FZR1: variants seen among roughly 807,000 people sequenced by gnomAD.
FZR1 encodes fizzy-related protein homolog.
In FZR1, 11 loss-of-function variants were observed where a neutral mutation model predicts 63.6. The ratio of observed to expected loss-of-function variants is 0.17; its 90% CI spans 0.11 to 0.29. The LOEUF is 0.29. FZR1 is among the 10% of genes least tolerant of loss of function. The pLI, the probability that FZR1 is intolerant of heterozygous loss-of-function variation, is 1.00. For synonymous variants in FZR1, 328 were observed against 297.9 expected, an observed-to-expected ratio of 1.10 and a Z score of -1.04; for missense variants, 440 against 687.5, an observed-to-expected ratio of 0.64 and a Z score of 4.03.
intron 1 of FZR1, among the ~76,000 whole-genome samples, chr19:3,509,889 G>T (rs889962694): frequency 1.3e-5 from 2 of 152,126 alleles, no homozygotes; most frequent in African/African-American, 4.8e-5. Flanking sequence ...TCTGCCTGTT[G>T]TGAGTTGAGC....
At chr19:3,506,641 C>T (rs537609367) in intron 1 of FZR1, among the ~76,000 whole-genome samples, 167 bp downstream of exon 1, 1 of 151,716 alleles carries the variant, frequency 6.6e-6, no homozygotes, top group Non-Finnish European at 1.5e-5. Context: ...CCGAACTAGG[C>T]CCGGGTGACC....
chr19:3,527,141 G>T (rs942014697), intron 6 of FZR1, 79 bp downstream of exon 6: 2 of 1,160,302 alleles, frequency 1.7e-6, no homozygotes, highest in Admixed American at 1.7e-5. Flanking sequence ...AGCTTCCTCC[G>T]CAGCCCTGTC....
At chr19:3,534,212 AC>A (rs1156543571) in intron 12 of FZR1, 3 of 480,768 alleles carry the variant, frequency 6.2e-6, no homozygotes, top group Admixed American at 4.1e-5. Context: ...ACAGAGCCAG[AC>A]CCCGTCTTAA....
chr19:3,507,568 TG>T (rs778500578), intron 1 of FZR1, among the ~76,000 whole-genome samples: 14 of 152,124 alleles, frequency 9.2e-5, no homozygotes, highest in Non-Finnish European at 2.1e-4. Flanking sequence ...GATGACCTCA[TG>T]CCTCTCCGTG....
In FZR1 at chr19:3,523,057, G is replaced by A. The variant is rs759089831; in HGVS notation, c.68G>A (p.Arg23His). 13 of 1,592,420 alleles carry A rather than the reference G, an allele frequency of 8.2e-6. No individual in the cohort carries two copies. The highest frequency in any genetic ancestry group is 3.3e-5 in the Admixed American group (2 of 60,000). ...IVIQNENTMP[R>H]VTEMRRTLTP... Reference sequence around the variant, plus strand: ...ATCCAGAATGAGAACACGATGCCACGCGTGAGTGCCCCCGCCCTGCCCACC... The same window carrying A: ...ATCCAGAATGAGAACACGATGCCACACGTGAGTGCCCCCGCCCTGCCCACC... Residue 23 changes from arginine (R) to histidine (H), a missense_variant and splice_region_variant, in exon 2 of 14, where the codon CGC (arginine) becomes CAC (histidine). Arg to His is a conservative substitution (Grantham distance 29). Around this residue, in one of 5 missense-constraint regions of FZR1, gnomAD observed 200 missense variants for 245.1 expected, o/e 0.82. Transcript: ENST00000441788.
In FZR1 at chr19:3,536,994, T is replaced by C. The variant is rs2029998270; in HGVS notation, c.*2158T>C. On this transcript the variant is annotated 3_prime_UTR_variant, in exon 14 of 14. Coordinates refer to ENST00000441788, the MANE Select transcript of FZR1 (RefSeq NM_016263.4). Reference sequence around the variant, plus strand: ...CTGGACTCCAGGCAAGTCCCTGCGCTCCAGCTGGACGGCCCTGTTCCAGGG... The same window carrying C: ...CTGGACTCCAGGCAAGTCCCTGCGCCCCAGCTGGACGGCCCTGTTCCAGGG... 1.5e-5 allele frequency: 2 copies of C among 130,106 alleles called. No individual in the cohort carries two copies. Among genetic ancestry groups the C allele is most frequent in the African/African-American group, 5.8e-5 (2 of 34,454 alleles). 8.1% of individuals were successfully genotyped at this position (130,106 alleles called of 1,614,324 possible). A position where few individuals can be genotyped will look rare whatever the true frequency, so the allele number is the denominator to read the frequency against.
rs1160764624 is a variant in FZR1, at chr19:3,515,540, G to A, written c.-34-7416G>A. 1.3e-5 allele frequency among the ~76,000 whole-genome samples: 2 copies of A among 152,012 alleles called. No homozygotes were observed. The highest frequency in any genetic ancestry group is 2.9e-5 in the Non-Finnish European group (2 of 67,996). On this transcript the variant is annotated intron_variant, in intron 1 of 13. Coordinates refer to ENST00000441788, the MANE Select transcript of FZR1 (RefSeq NM_016263.4). The surrounding 1 kb of genome is among the most constrained non-coding windows in gnomAD (Gnocchi z 4.6). ...TCCCAGCACTTTGGGAGGCCGAGGC[G>A]GGCGGATCACAAGGTCAGGAGATCG...
At chr19:3,532,206 C>T (rs913096685) in intron 10 of FZR1, 111 bp downstream of exon 10, 4 of 1,051,172 alleles carry the variant, frequency 3.8e-6, no homozygotes, top group South Asian at 1.6e-5. Context: ...GCCCACTCCA[C>T]AGCCATCAGC....
chr19:3,529,315 C>CG (rs1477705478), intron 7 of FZR1, among the ~76,000 whole-genome samples: 1 of 109,644 alleles, frequency 9.1e-6, no homozygotes, highest in Admixed American at 1.0e-4. Flanking sequence ...GATGGGAGAG[C>CG]GGATGGGAGA....
chr19:3,509,306 C>T (rs1029834416), intron 1 of FZR1, among the ~76,000 whole-genome samples: 2 of 152,238 alleles, frequency 1.3e-5, no homozygotes, highest in Non-Finnish European at 2.9e-5. Flanking sequence ...AAGCAGCCTG[C>T]CTGGCCGCGC....
chr19:3,521,895 C>T (rs2083105426), intron 1 of FZR1, among the ~76,000 whole-genome samples: 1 of 147,746 alleles, frequency 6.8e-6, no homozygotes, highest in Non-Finnish European at 1.5e-5. Flanking sequence ...CTTGCTCTGT[C>T]ACCCAGGCTG....
At position 3,534,148 on chromosome 19, in the gene FZR1, A is replaced by C. The variant is rs1035073363; in HGVS notation, c.1348-273A>C. 1.8e-5 allele frequency: 6 copies of C among 330,344 alleles called. No homozygotes were observed. In the Admixed American group the frequency reaches 2.8e-4, roughly 15 times the overall value. 20.5% of individuals were successfully genotyped at this position (330,344 alleles called of 1,614,324 possible). On this transcript the variant is annotated intron_variant, in intron 12 of 13. Transcript: ENST00000441788. ...GATGGGAGGATCACCTGAGCCCAGGAGGTCAAGGCTGCAGTAAGCCAGGAT... is the reference window on the plus strand; with the variant it reads ...GATGGGAGGATCACCTGAGCCCAGGCGGTCAAGGCTGCAGTAAGCCAGGAT...
chr19:3,527,153 C>A, intron 6 of FZR1, 91 bp downstream of exon 6: 1 of 1,037,236 alleles, frequency 9.6e-7, no homozygotes, highest in Non-Finnish European at 1.5e-6. Flanking sequence ...AGCCCTGTCC[C>A]TGCGGGTCCT....
chr19:3,509,315 G>A (rs1462012041), intron 1 of FZR1, among the ~76,000 whole-genome samples: 3 of 152,156 alleles, frequency 2.0e-5, no homozygotes, highest in South Asian at 2.1e-4. Flanking sequence ...GCCTGGCCGC[G>A]CCTCATTCAG....
At chr19:3,518,877 G>T (rs940029133) in intron 1 of FZR1, among the ~76,000 whole-genome samples, 2 of 152,200 alleles carry the variant, frequency 1.3e-5, no homozygotes, top group African/African-American at 2.4e-5. Context: ...ATAAAAAAAA[G>T]TGTTTCCTGG....
At chr19:3,511,543 C>G (rs774935232) in intron 1 of FZR1, among the ~76,000 whole-genome samples, 7 of 152,170 alleles carry the variant, frequency 4.6e-5, no homozygotes, top group Non-Finnish European at 8.8e-5. Context: ...ACCCCCATCT[C>G]TATATTTTAA....
intron 1 of FZR1, among the ~76,000 whole-genome samples, chr19:3,517,118 G>A (rs562337411): frequency 2.0e-4 from 31 of 151,880 alleles, no homozygotes; most frequent in Admixed American, 1.6e-3. Flanking sequence ...AGCTGGGCGC[G>A]GTGGCTCACA....
intron 1 of FZR1, among the ~76,000 whole-genome samples, chr19:3,522,044 A>G (rs2083107361): frequency 6.6e-6 from 1 of 152,112 alleles, no homozygotes; most frequent in African/African-American, 2.4e-5. Context: ...GGCTGCAGTG[A>G]TCCGTGATTG....
chr19:3,508,206 T>C (rs1456767828), intron 1 of FZR1, among the ~76,000 whole-genome samples: 8 of 143,010 alleles, frequency 5.6e-5, no homozygotes, highest in African/African-American at 1.9e-4. Context: ...TTTTCTTTTT[T>C]TTTTTTTTTT....
Sources: allele counts gnomAD v4.1 joint callset (sites outside exome capture counted in the v4.1 genomes callset), GRCh38; gene constraint gnomAD v4.1.1; regional missense constraint gnomAD v4.1.1; non-coding constraint Gnocchi (gnomAD v3.1); transcripts MANE v1.5; gene names NCBI Gene and HGNC (gene_info 2026-07-23, HGNC 2026-07-21).